Variants in RBMS3 observed in about 807,000 individuals in gnomAD.
RBMS3 encodes the protein RNA-binding motif, single-stranded-interacting protein 3.
Under a neutral mutation model 66.8 loss-of-function variants are expected in RBMS3, and 27 were observed. The ratio of observed to expected loss-of-function variants is 0.40; its 90% CI spans 0.30 to 0.56. The LOEUF is 0.56. Ranked by LOEUF, RBMS3 falls within the 20% of genes least tolerant of loss-of-function variation. RBMS3 has a pLI of 0.40. For missense variants in RBMS3, 513 were observed against 549.5 expected (o/e 0.93, Z 0.66); for synonymous variants, 188 against 183.0 (o/e 1.03, Z -0.22).
At chr3:29,673,031 C>T (rs891332982) in intron 4 of RBMS3, among the ~76,000 whole-genome samples, 5 of 152,042 alleles carry the variant, frequency 3.3e-5, no homozygotes, top group African/African-American at 1.2e-4. Context: ...TGTAAAAGAA[C>T]AGAAATTATA....
At chr3:29,993,053 C>T (rs185105485) in intron 14 of RBMS3, among the ~76,000 whole-genome samples, 11 of 152,202 alleles carry the variant, frequency 7.2e-5, no homozygotes, top group African/African-American at 2.6e-4. Context: ...GCAGTAAACT[C>T]TATTATGTGT....
chr3:29,330,450 T>G (rs1215512985), intron 1 of RBMS3, among the ~76,000 whole-genome samples: 2 of 152,178 alleles, frequency 1.3e-5, no homozygotes, highest in Non-Finnish European at 2.9e-5. Context: ...TATGAAATCA[T>G]TTGGGCTGGA....
At chr3:29,489,782 C>T (rs1214942684) in intron 3 of RBMS3, among the ~76,000 whole-genome samples, 3 of 149,398 alleles carry the variant, frequency 2.0e-5, no homozygotes, top group African/African-American at 4.9e-5. Flanking sequence ...CGGTGGCTCA[C>T]GCCTATAATC....
chr3:29,466,009 T>G (rs73828667), intron 2 of RBMS3, among the ~76,000 whole-genome samples: 4,084 of 151,830 alleles, frequency 0.027, 187 homozygotes, highest in African/African-American at 0.095. Flanking sequence ...TATGATTCAG[T>G]GATCAGCATG....
At chr3:29,753,802 A>G (rs1005799185) in intron 5 of RBMS3, among the ~76,000 whole-genome samples, 2 of 152,212 alleles carry the variant, frequency 1.3e-5, no homozygotes, top group African/African-American at 4.8e-5. Context: ...TCACCCAAGA[A>G]GAATGTTTAG....
intron 6 of RBMS3, among the ~76,000 whole-genome samples, chr3:29,765,018 C>A (rs1346457421): frequency 6.6e-6 from 1 of 151,966 alleles, no homozygotes; most frequent in East Asian, 1.9e-4. Context: ...GAATATTGAT[C>A]ATCATCAGTG....
chr3:29,565,081 G>T (rs1350973293), intron 3 of RBMS3, among the ~76,000 whole-genome samples: 7 of 152,054 alleles, frequency 4.6e-5, no homozygotes, highest in African/African-American at 1.7e-4. Context: ...AGACCAGAGG[G>T]AATTTCAAGC....
At chr3:29,414,592 A>G (rs901740336) in intron 1 of RBMS3, among the ~76,000 whole-genome samples, 2 of 152,154 alleles carry the variant, frequency 1.3e-5, no homozygotes, top group Non-Finnish European at 2.9e-5. Context: ...TTGCTTGACA[A>G]ATGTGTTACA....
At chr3:29,378,780 T>C (rs374525586) in intron 1 of RBMS3, among the ~76,000 whole-genome samples, 5 of 151,704 alleles carry the variant, frequency 3.3e-5, no homozygotes, top group African/African-American at 1.2e-4. Flanking sequence ...GTATCGAAAA[T>C]CTTAAAACGA....
intron 1 of RBMS3, among the ~76,000 whole-genome samples, chr3:29,371,278 T>C (rs959745495): frequency 5.3e-5 from 8 of 152,210 alleles, no homozygotes; most frequent in African/African-American, 1.7e-4. Flanking sequence ...AGAAGGCAGG[T>C]ACAAGCCAAT....
chr3:29,357,223 G>C (rs142836448), intron 1 of RBMS3, among the ~76,000 whole-genome samples: 1 of 150,262 alleles, frequency 6.7e-6, no homozygotes. Context: ...AACAGGCCCC[G>C]GTGTGTGATG....
chr3:29,915,439 A>G (rs1371870664), intron 10 of RBMS3, among the ~76,000 whole-genome samples: 1 of 151,902 alleles, frequency 6.6e-6, no homozygotes, highest in Non-Finnish European at 1.5e-5. Flanking sequence ...GGGTTTTTCC[A>G]TGCCCTGAAT....
At chr3:29,538,446 G>A (rs2045649469) in intron 3 of RBMS3, among the ~76,000 whole-genome samples, 1 of 152,128 alleles carries the variant, frequency 6.6e-6, no homozygotes, top group South Asian at 2.1e-4. Flanking sequence ...CAAACAAAAA[G>A]GATACAAATA....
chr3:29,839,887 A>G (rs977834121), intron 6 of RBMS3, among the ~76,000 whole-genome samples: 2 of 151,998 alleles, frequency 1.3e-5, no homozygotes, highest in African/African-American at 4.8e-5. Context: ...CCAAAACATA[A>G]TATCTTCAAA....
chr3:29,291,375 T>C (rs2032799458), intron 1 of RBMS3, among the ~76,000 whole-genome samples: 1 of 151,868 alleles, frequency 6.6e-6, no homozygotes, highest in African/African-American at 2.4e-5. Flanking sequence ...GCACAGTGTA[T>C]TGGAAAATGT....
intron 6 of RBMS3, 76 bp downstream of exon 6, chr3:29,763,065 G>A (rs1158877126): frequency 1.9e-6 from 2 of 1,037,986 alleles, no homozygotes; most frequent in East Asian, 4.9e-5. Context: ...ACATTGTAAA[G>A]CCCTTGTTGA....
At chr3:29,288,078 G>C (rs902482148) in intron 1 of RBMS3, among the ~76,000 whole-genome samples, 3 of 151,996 alleles carry the variant, frequency 2.0e-5, no homozygotes, top group Non-Finnish European at 4.4e-5. Context: ...AATTTCAAAA[G>C]TAAGGATAAT....
intron 4 of RBMS3, among the ~76,000 whole-genome samples, chr3:29,709,618 A>G (rs2053068407): frequency 6.6e-6 from 1 of 152,186 alleles, no homozygotes; most frequent in African/African-American, 2.4e-5. Context: ...GATGCTGCCA[A>G]TTCAATTATC....
At chr3:29,420,603 A>G (rs1454456564) in intron 1 of RBMS3, among the ~76,000 whole-genome samples, 1 of 149,880 alleles carries the variant, frequency 6.7e-6, no homozygotes, top group Non-Finnish European at 1.5e-5. Flanking sequence ...CAACATAGCT[A>G]TAAATCAGGG....
Sources: gnomAD v4.1 joint callset for allele counts (sites outside exome capture counted in the v4.1 genomes callset) on GRCh38, gnomAD v4.1.1 for gene constraint, MANE v1.5 for transcripts, NCBI Gene and HGNC (gene_info 2026-07-23, HGNC 2026-07-21) for gene names.